GANC: variants seen among roughly 807,000 people sequenced by gnomAD.
The protein encoded by GANC is neutral alpha-glucosidase C.
In GANC, 117 loss-of-function variants were observed where a neutral mutation model predicts 124.2. The observed-to-expected ratio is 0.94, with a 90% CI of 0.81 to 1.10. The LOEUF is 1.10. Among genes scored for constraint, GANC ranks in the 50% least tolerant of loss-of-function variants. GANC has a pLI of 0.00. For synonymous variants in GANC, 377 were observed against 376.8 expected (o/e 1.00, Z -0.01); for missense variants, 1,140 against 1,095.0 (o/e 1.04, Z -0.58).
intron 2 of GANC, among the ~76,000 whole-genome samples, chr15:42,276,838 T>C (rs2051676410): frequency 6.6e-6 from 1 of 151,984 alleles, no homozygotes; most frequent in African/African-American, 2.4e-5. Context: ...TTTTATATTA[T>C]TGCTTTTCTC....
intron 6 of GANC, among the ~76,000 whole-genome samples, chr15:42,298,082 CCTT>C (rs908284299): frequency 3.3e-5 from 5 of 152,062 alleles, no homozygotes; most frequent in Non-Finnish European, 7.4e-5. Context: ...TCAGGAAAGA[CCTT>C]CTGAGGGAAA....
intron 5 of GANC, among the ~76,000 whole-genome samples, chr15:42,296,201 G>A (rs7176724): frequency 0.91 from 137,816 of 151,290 alleles, 64,078 homozygotes; most frequent in Non-Finnish European, 1. Context: ...CTTTATCATT[G>A]TGTAATATCC....
At chr15:42,312,366 C>T (rs935583198) in intron 10 of GANC, among the ~76,000 whole-genome samples, 15 of 152,154 alleles carry the variant, frequency 9.9e-5, no homozygotes, top group African/African-American at 2.2e-4. Context: ...GTACTGTTCT[C>T]GTGATAGTGA....
At chr15:42,319,551 G>T (rs542742975) in intron 10 of GANC, among the ~76,000 whole-genome samples, 1 of 151,280 alleles carries the variant, frequency 6.6e-6, no homozygotes, top group African/African-American at 2.4e-5. Flanking sequence ...GTTGAGATGG[G>T]GTCTTGCTCT....
In GANC at chr15:42,352,409, C is replaced by G; in HGVS notation, c.*270C>G. The G allele has an allele frequency of 8.5e-7, 1 of 1,169,744 alleles. No homozygotes were observed. Among genetic ancestry groups the G allele is most frequent in the Non-Finnish European group, 1.1e-6 (1 of 940,144 alleles). The allele number at this position is 1,169,744 out of a possible 1,614,324, so 72.5% of individuals were successfully genotyped here. A position where few individuals can be genotyped will look rare whatever the true frequency, so the allele number is the denominator to read the frequency against. On this transcript the variant is annotated 3_prime_UTR_variant, in exon 24 of 24. Coordinates refer to ENST00000318010, the MANE Select transcript of GANC (RefSeq NM_198141.3). The stretch of plus-strand genomic sequence containing the variant: ...TGAGACATTTATAGCGTTCAGGAGT[C>G]TTCTATTGCTTCCATTCCTTCAGCA...
At position 42,284,124 on chromosome 15, in the gene GANC, C is replaced by A. The variant is rs984869117; in HGVS notation, c.202-3567C>A. 55 of 615,646 alleles carry A rather than the reference C, an allele frequency of 8.9e-5. No individual in the cohort carries two copies. In the East Asian group the frequency reaches 1.5e-3, roughly 17 times the overall value. The allele number at this position is 615,646 out of a possible 1,614,324, so 38.1% of individuals were successfully genotyped here. A position where few individuals can be genotyped will look rare whatever the true frequency, so the allele number is the denominator to read the frequency against. Reference sequence around the variant, plus strand: ...TACATAACAGTGAAGAGTCCTGGTGCCTCAGGAAAAGCAAGATCAACCTAC... The same window carrying A: ...TACATAACAGTGAAGAGTCCTGGTGACTCAGGAAAAGCAAGATCAACCTAC... On this transcript the variant is annotated intron_variant, in intron 3 of 23. Transcript: ENST00000318010.
At chr15:42,323,453 T>C (rs1451480646) in intron 11 of GANC, among the ~76,000 whole-genome samples, 1 of 152,170 alleles carries the variant, frequency 6.6e-6, no homozygotes, top group Admixed American at 6.5e-5. Flanking sequence ...TCCTCAAGAC[T>C]TAAGCAGGGC....
chr15:42,308,161 C>A, intron 7 of GANC, 61 bp from the exon 8 acceptor site: 1 of 1,065,880 alleles, frequency 9.4e-7, no homozygotes, highest in Non-Finnish European at 1.4e-6. Flanking sequence ...TCAGAATTAA[C>A]TGAATCTCCT....
intron 19 of GANC, 52 bp downstream of exon 19, chr15:42,343,206 T>C: frequency 6.7e-7 from 1 of 1,482,274 alleles, no homozygotes; most frequent in Non-Finnish European, 9.4e-7. Context: ...TCTCATCCCT[T>C]CTTTTCTTTT....
intron 23 of GANC, among the ~76,000 whole-genome samples, chr15:42,351,812 A>G (rs16973155): frequency 0.097 from 14,766 of 152,238 alleles, 839 homozygotes; most frequent in South Asian, 0.18. Flanking sequence ...AAATTTATTC[A>G]TTCCTTACGG....
chr15:42,350,323 C>T (rs1400862265), intron 22 of GANC, among the ~76,000 whole-genome samples: 2 of 152,176 alleles, frequency 1.3e-5, no homozygotes, highest in South Asian at 4.1e-4. Context: ...AGCCACTCCG[C>T]CCATCTCCCC....
intron 10 of GANC, among the ~76,000 whole-genome samples, chr15:42,312,827 C>T (rs947000896): frequency 4.6e-5 from 7 of 151,256 alleles, no homozygotes; most frequent in African/African-American, 1.5e-4. Context: ...TCCAGCTACT[C>T]GGGAGGCTGA....
intron 5 of GANC, 74 bp downstream of exon 5, chr15:42,292,991 A>G: frequency 3.6e-6 from 5 of 1,392,230 alleles, no homozygotes; most frequent in Admixed American, 3.7e-5. Flanking sequence ...GCCTAAATAG[A>G]TAACATAGCA....
intron 4 of GANC, among the ~76,000 whole-genome samples, chr15:42,292,139 T>G (rs752282656): frequency 6.6e-6 from 1 of 152,158 alleles, no homozygotes; most frequent in Non-Finnish European, 1.5e-5. Flanking sequence ...AATGTACCTG[T>G]GAAATTGGAG....
chr15:42,340,516 A>G (rs2052321213), intron 17 of GANC, among the ~76,000 whole-genome samples, 174 bp from the exon 18 acceptor site: 1 of 151,958 alleles, frequency 6.6e-6, no homozygotes, highest in South Asian at 2.1e-4. Flanking sequence ...AGGCAGGAGA[A>G]TCGGTTGAAC....
intron 15 of GANC, 115 bp downstream of exon 15, chr15:42,330,787 TTTTTTC>T: frequency 1.4e-6 from 1 of 703,868 alleles, no homozygotes; most frequent in Non-Finnish European, 2.3e-6. Flanking sequence ...TTTTTTTTTT[TTTTTTC>T]ATTTGTTTGT....
chr15:42,336,770 C>T (rs2052286508), intron 15 of GANC, among the ~76,000 whole-genome samples: 1 of 152,100 alleles, frequency 6.6e-6, no homozygotes, highest in Non-Finnish European at 1.5e-5. Context: ...CTATAAGGAA[C>T]TTAAGCAAAT....
intron 3 of GANC, chr15:42,280,961 A>G (rs1291417510): frequency 1.4e-6 from 1 of 702,548 alleles, no homozygotes; most frequent in South Asian, 1.5e-5. Flanking sequence ...ATGCCTTCAA[A>G]GGCAAAGAAA....
At chr15:42,317,440 G>C (rs1423812582) in intron 10 of GANC, among the ~76,000 whole-genome samples, 1 of 152,156 alleles carries the variant, frequency 6.6e-6, no homozygotes, top group Non-Finnish European at 1.5e-5. Context: ...CAGAGTTTCT[G>C]CTTGGGGTGA....
Sources: allele counts gnomAD v4.1 joint callset (sites outside exome capture counted in the v4.1 genomes callset), GRCh38; gene constraint gnomAD v4.1.1; transcripts MANE v1.5; gene names NCBI Gene and HGNC (gene_info 2026-07-23, HGNC 2026-07-21).